NFIX: variants seen among roughly 807,000 people sequenced by gnomAD.
NFIX encodes the protein nuclear factor I X, also known as nuclear factor 1 X-type.
NFIX carries 2 observed loss-of-function variants against 53.3 expected under a neutral mutation model. The ratio of observed to expected loss-of-function variants is 0.04; its 90% CI spans 0.02 to 0.12. The LOEUF (loss-of-function observed/expected upper bound fraction) is 0.12. NFIX is among the 10% of genes least tolerant of loss of function. NFIX has a pLI of 1.00. For synonymous variants in NFIX, 244 were observed against 289.0 expected (o/e 0.84, Z 1.58); for missense variants, 310 against 674.5 (o/e 0.46, Z 5.99).
chr19:13,087,155 T>G (rs907059543), intron 8 of NFIX, among the ~76,000 whole-genome samples: 3 of 152,220 alleles, frequency 2.0e-5, no homozygotes, highest in African/African-American at 7.2e-5. Context: ...CGCCTCTGTC[T>G]GTCCTTTGGC....
At chr19:13,029,806 G>T (rs755707984) in intron 2 of NFIX, among the ~76,000 whole-genome samples, 1 of 152,150 alleles carries the variant, frequency 6.6e-6, no homozygotes, top group African/African-American at 2.4e-5. Context: ...TCTTGGTTTC[G>T]GCACTCTAGT....
rs1047865572 is a variant in NFIX at position 13,089,099 on chromosome 19, G to A, written c.1402+963G>A. Among the ~76,000 whole-genome samples, 1 of 152,100 alleles carries A rather than the reference G, an allele frequency of 6.6e-6. No homozygotes were observed. Among genetic ancestry groups the A allele is most frequent in the Non-Finnish European group, 1.5e-5 (1 of 68,018 alleles). ...TGTCTCTCCTCCTTTCTCGTGGTTT[G>A]AGTTCTTTTCCCCTCTCCATCCTCT... On this transcript the variant is annotated intron_variant, in intron 9 of 10. Transcript: ENST00000592199. The surrounding 1 kb of genome is among the most constrained non-coding windows in gnomAD (Gnocchi z 4.8).
chr19:13,087,774 CAAAAAAAAAAAA>C (rs1157966190), intron 8 of NFIX, among the ~76,000 whole-genome samples: 1 of 26,392 alleles, frequency 3.8e-5, no homozygotes, highest in Non-Finnish European at 6.3e-5. Context: ...AAAAGAGGAC[CAAAAAAAAAAAA>C]AAAAAAAAAA....
rs1332144589 is a variant in NFIX, at chr19:13,081,754, A to C, written c.1153A>C (p.Thr385Pro). ...CATCCAGCAGTCGAGCCCGTATTTC[A>C]CGCACCCGACCATCCGCTACCACCA... ...SIIQQSSPYF[T>P]HPTIRYHHHH... The change falls in exon 8 of 11, where the codon ACG becomes CCG. Residue 385 changes from threonine (T) to proline (P), a missense_variant. Coordinates refer to ENST00000592199, the MANE Select transcript of NFIX (RefSeq NM_001365902.3). This position sits in a 1 kb window ranked among gnomAD's most constrained non-coding sequence, Gnocchi z 4.7. The C allele has an allele frequency of 1.2e-6, 2 of 1,613,852 alleles. No homozygotes were observed. Among genetic ancestry groups the C allele is most frequent in the Non-Finnish European group, 1.7e-6 (2 of 1,179,874 alleles).
intron 2 of NFIX, among the ~76,000 whole-genome samples, chr19:13,041,104 G>A (rs1035600378): frequency 6.6e-6 from 1 of 152,168 alleles, no homozygotes; most frequent in Non-Finnish European, 1.5e-5. Context: ...AGTAACATGA[G>A]GACATTTCCC....
At chr19:13,047,158 C>T (rs532706116) in intron 2 of NFIX, among the ~76,000 whole-genome samples, 1 of 152,254 alleles carries the variant, frequency 6.6e-6, no homozygotes, top group South Asian at 2.1e-4. Context: ...AGTCTTCCAC[C>T]GTGAATGGGA....
chr19:13,062,925 CT>C (rs1465997979), intron 2 of NFIX, among the ~76,000 whole-genome samples: 2 of 152,164 alleles, frequency 1.3e-5, no homozygotes, highest in Non-Finnish European at 2.9e-5. Flanking sequence ...TGGCTTCAGC[CT>C]AACTCCCACT....
intron 2 of NFIX, among the ~76,000 whole-genome samples, chr19:13,050,657 A>G (rs952323493): frequency 2.0e-5 from 3 of 152,246 alleles, no homozygotes; most frequent in African/African-American, 7.2e-5. Flanking sequence ...AGACATACAA[A>G]TGAATATAGA....
rs1297753890 is a variant in NFIX at position 13,072,219 on chromosome 19, CA to C, written c.560-827del. Among the ~76,000 whole-genome samples the C allele has an allele frequency of 1.3e-5, 2 of 152,202 alleles. No individual in the cohort carries two copies. The highest frequency in any genetic ancestry group is 2.1e-4 in the South Asian group (1 of 4,832). Reference sequence around the variant, plus strand: ...CCCTGGCACACAAAGCTTTGAGGACCAGGGGGACCAGGGTGGGGGGCTTTCC... The same window carrying C: ...CCCTGGCACACAAAGCTTTGAGGACCGGGGGACCAGGGTGGGGGGCTTTCC... On this transcript the variant is annotated intron_variant, in intron 2 of 10. Coordinates refer to ENST00000592199, the MANE Select transcript of NFIX (RefSeq NM_001365902.3). This position sits in a 1 kb window ranked among gnomAD's most constrained non-coding sequence, Gnocchi z 4.0.
chr19:13,062,965 C>T (rs572621440), intron 2 of NFIX, among the ~76,000 whole-genome samples: 92 of 152,186 alleles, frequency 6.0e-4, no homozygotes, highest in Non-Finnish European at 8.2e-4. Context: ...GAATTGAAGT[C>T]GGTGGGTTCT....
At position 13,093,228 on chromosome 19, in the gene NFIX, A is replaced by C. The variant is rs919816953; in HGVS notation, c.1495-1407A>C. Among the ~76,000 whole-genome samples the C allele has an allele frequency of 1.3e-5, 2 of 152,208 alleles. No individual in the cohort carries two copies. Among genetic ancestry groups the C allele is most frequent in the African/African-American group, 4.8e-5 (2 of 41,446 alleles). ...TGGAAATGAGAACATTTCCATTGTCACAGAAAGTGCTAGATGATCTCCAAG... is the reference window on the plus strand; with the variant it reads ...TGGAAATGAGAACATTTCCATTGTCCCAGAAAGTGCTAGATGATCTCCAAG... On this transcript the variant is annotated intron_variant, in intron 10 of 10. Coordinates refer to ENST00000592199, the MANE Select transcript of NFIX (RefSeq NM_001365902.3). This position sits in a 1 kb window ranked among gnomAD's most constrained non-coding sequence, Gnocchi z 4.7.
intron 1 of NFIX, among the ~76,000 whole-genome samples, chr19:13,017,007 G>A (rs2012705653): frequency 6.6e-6 from 1 of 152,140 alleles, no homozygotes; most frequent in Non-Finnish European, 1.5e-5. Context: ...ATTCAACAGA[G>A]CGAGGGCGCC....
At position 13,067,970 on chromosome 19, in the gene NFIX, T is replaced by C. The variant is rs1404310173; in HGVS notation, c.560-5077T>C. ...AATACAAAAAATTAGCTGGTCCTGG[T>C]GACAGGTGCCTGTAGTTCCCAGTAC... is the stretch of plus-strand genomic sequence containing the variant. On this transcript the variant is annotated intron_variant, in intron 2 of 10. Coordinates refer to ENST00000592199, the MANE Select transcript of NFIX (RefSeq NM_001365902.3). The surrounding 1 kb of genome is among the most constrained non-coding windows in gnomAD (Gnocchi z 4.2). Among the ~76,000 whole-genome samples the C allele has an allele frequency of 6.6e-6, 1 of 151,824 alleles. No individual in the cohort carries two copies. The highest frequency in any genetic ancestry group is 2.4e-5 in the African/African-American group (1 of 41,326).
rs2018382474 is a variant in NFIX at position 13,095,388 on chromosome 19, C to G, written c.*739C>G. On this transcript the variant is annotated 3_prime_UTR_variant, in exon 11 of 11. Transcript: ENST00000592199. The stretch of plus-strand genomic sequence containing the variant: ...GACACCCCACCCTGAGCCGCAAGAG[C>G]AGTCCTGGGGCCCTGGACCCCTCTG... The G allele has an allele frequency of 6.6e-6, 1 of 152,422 alleles. No homozygotes were observed. The highest frequency in any genetic ancestry group is 1.5e-5 in the Non-Finnish European group (1 of 68,190). The allele number at this position is 152,422 out of a possible 1,614,324, so 9.4% of individuals were successfully genotyped here.
chr19:13,058,182 G>T (rs1162365622), intron 2 of NFIX, among the ~76,000 whole-genome samples: 1 of 152,050 alleles, frequency 6.6e-6, no homozygotes. Flanking sequence ...GATGGCAAGA[G>T]GGGTTTTGCA....
At position 13,094,770 on chromosome 19, in the gene NFIX, C is replaced by T. The variant is rs2018339164; in HGVS notation, c.*121C>T. The T allele has an allele frequency of 9.2e-7, 1 of 1,087,550 alleles. No homozygotes were observed. Among genetic ancestry groups the T allele is most frequent in the East Asian group, 2.6e-5 (1 of 38,300 alleles). 67.4% of individuals were successfully genotyped at this position (1,087,550 alleles called of 1,614,324 possible). On this transcript the variant is annotated 3_prime_UTR_variant, in exon 11 of 11. Transcript: ENST00000592199. This position sits in a 1 kb window ranked among gnomAD's most constrained non-coding sequence, Gnocchi z 4.3. ...CAGCCCCACCGAAAAGCAAAAATTA[C>T]ACGTCGTCAGCCACTCAGCCCTTCT...
At position 13,043,413 on chromosome 19, in the gene NFIX, A is replaced by C. The variant is rs1748997030; in HGVS notation, c.559+17861A>C. On this transcript the variant is annotated intron_variant, in intron 2 of 10. Transcript: ENST00000592199. This position sits in a 1 kb window ranked among gnomAD's most constrained non-coding sequence, Gnocchi z 4.0. ...GAGCAGGTGCTGGCCATGGTATCTT[A>C]ATGGCAGCAGCCCCCAGGTCCACTT... 6.6e-6 allele frequency among the ~76,000 whole-genome samples: 1 copy of C among 152,180 alleles called. No individual in the cohort carries two copies. The highest frequency in any genetic ancestry group is 1.5e-5 in the Non-Finnish European group (1 of 68,020).
rs1186634701 is a variant in NFIX, at chr19:13,014,321, C to T, written c.28-10700C>T. The T allele has an allele frequency of 6.6e-6, 1 of 152,354 alleles. No homozygotes were observed. The highest frequency in any genetic ancestry group is 1.9e-4 in the East Asian group (1 of 5,188). The allele number at this position is 152,354 out of a possible 1,614,324, so 9.4% of individuals were successfully genotyped here. Reference sequence around the variant, plus strand: ...GGAGACAGCCCTCTCCTCTTCCCTCCCCCGCCTCTGGGCCCTGACCCACTG... The same window carrying T: ...GGAGACAGCCCTCTCCTCTTCCCTCTCCCGCCTCTGGGCCCTGACCCACTG... On this transcript the variant is annotated intron_variant, in intron 1 of 10. Coordinates refer to ENST00000592199, the MANE Select transcript of NFIX (RefSeq NM_001365902.3). The surrounding 1 kb of genome is among the most constrained non-coding windows in gnomAD (Gnocchi z 4.4).
chr19:13,070,992 G>T (rs149063591), intron 2 of NFIX: 5 of 152,376 alleles, frequency 3.3e-5, no homozygotes, highest in African/African-American at 9.6e-5. Context: ...TTGGTCTTTC[G>T]CAGTGGGTAG....
Sources: gnomAD v4.1 joint callset for allele counts (sites outside exome capture counted in the v4.1 genomes callset) on GRCh38, gnomAD v4.1.1 for gene constraint, Gnocchi (gnomAD v3.1) non-coding constraint, MANE v1.5 for transcripts, NCBI Gene and HGNC (gene_info 2026-07-23, HGNC 2026-07-21) for gene names.